The following CHD7 variants were observed in gnomAD, a reference collection of about 807,000 sequenced individuals.
CHD7 encodes the protein chromodomain helicase DNA binding protein 7.
CHD7 carries 24 observed loss-of-function variants against 307.3 expected under a neutral mutation model. That is an observed-to-expected ratio of 0.08 (90% CI 0.06 to 0.11). The LOEUF (loss-of-function observed/expected upper bound fraction) is 0.11. Ranked by LOEUF, CHD7 falls within the 10% of genes least tolerant of loss-of-function variation. The probability of loss-of-function intolerance (pLI) is 1.00; values close to 1 mark genes in which losing one functional copy is unlikely to be tolerated. For missense variants in CHD7, 3,106 were observed against 3,727.1 expected (o/e 0.83, Z 4.34); for synonymous variants, 1,363 against 1,349.9 (o/e 1.01, Z -0.21).
At chr8:60,739,593 G>T (rs1012417215) in intron 1 of CHD7, among the ~76,000 whole-genome samples, 2 of 152,224 alleles carry the variant, frequency 1.3e-5, no homozygotes, top group African/African-American at 4.8e-5. Context: ...GCGGCAGAGT[G>T]AAGAGACCTT....
chr8:60,841,769 C>G lies in CHD7; in HGVS notation c.4644+15C>G, dbSNP rs922774716. ...TAAATGGGAGGGTGAGTAAGAAGTC[C>G]CATTCGAACACCTATCTGATCTAAA... is the stretch of plus-strand genomic sequence containing the variant. On this transcript the variant is annotated intron_variant, in intron 20 of 37. Coordinates refer to ENST00000423902, the MANE Select transcript of CHD7 (RefSeq NM_017780.4). The G allele has an allele frequency of 6.2e-7, 1 of 1,602,676 alleles. No homozygotes were observed. The highest frequency in any genetic ancestry group is 1.3e-5 in the African/African-American group (1 of 74,766).
At chr8:60,826,227 C>T (rs920802173) in intron 13 of CHD7, among the ~76,000 whole-genome samples, 1 of 152,194 alleles carries the variant, frequency 6.6e-6, no homozygotes, top group African/African-American at 2.4e-5. Context: ...TGACCTTCCC[C>T]AAGGACTTAT....
In CHD7 at chr8:60,851,230, A is replaced by G. The variant is rs546883415; in HGVS notation, c.5608-32A>G. ...ACAAAGAAAAATGAGACCCCAAATT[A>G]AAGTAATTCTGTTTCTTGCTTTGCT... is the stretch of plus-strand genomic sequence containing the variant. On this transcript the variant is annotated intron_variant, in intron 27 of 37. Coordinates refer to ENST00000423902, the MANE Select transcript of CHD7 (RefSeq NM_017780.4). The G allele has an allele frequency of 1.1e-5, 17 of 1,543,156 alleles. No homozygotes were observed. The South Asian group carries it at 1.4e-4, about 13-fold the overall frequency.
chr8:60,770,130 C>T (rs897033491), intron 2 of CHD7, among the ~76,000 whole-genome samples: 2 of 152,210 alleles, frequency 1.3e-5, no homozygotes, highest in Non-Finnish European at 2.9e-5. Flanking sequence ...ATACACATTG[C>T]TTTCTCTGTT....
chr8:60,788,049 T>C (rs1417801702), intron 3 of CHD7, among the ~76,000 whole-genome samples: 1 of 151,986 alleles, frequency 6.6e-6, no homozygotes, highest in East Asian at 1.9e-4. Context: ...CTCAAACGCC[T>C]ATCCTCAAGT....
rs745900311 is a variant in CHD7 at position 60,742,677 on chromosome 8, G to A, written c.1245G>A (p.Pro415=). Residue 415 remains proline, a synonymous_variant, in exon 2 of 38, where the codon CCG becomes CCA. Coordinates refer to ENST00000423902, the MANE Select transcript of CHD7 (RefSeq NM_017780.4). ...GCACTCCTCCTCCACAAGTCAGGCC[G>A]GGAAGTGCTGGGATACCAATGGAAG... ...PAGTPPPQVR[P]GSAGIPMEVG... The A allele has an allele frequency of 1.1e-4, 180 of 1,610,682 alleles. No individual in the cohort carries two copies. The highest frequency in any genetic ancestry group is 2.5e-4 in the African/African-American group (19 of 74,866).
rs1451462954 is a variant in CHD7, at chr8:60,838,258, G to A, written c.4533+3G>A. ...GGAAAGGTTCCACATTTGCTAAGGTGTGAATCGATCTAAAGAGGCCAGGTT... is the reference window on the plus strand; with the variant it reads ...GGAAAGGTTCCACATTTGCTAAGGTATGAATCGATCTAAAGAGGCCAGGTT... On this transcript the variant is annotated splice_donor_region_variant and intron_variant, in intron 19 of 37. Coordinates refer to ENST00000423902, the MANE Select transcript of CHD7 (RefSeq NM_017780.4). 3 of 1,599,158 alleles carry A rather than the reference G, an allele frequency of 1.9e-6. No individual in the cohort carries two copies. The highest frequency in any genetic ancestry group is 1.7e-5 in the Admixed American group (1 of 57,688).
chr8:60,721,433 T>A (rs1328031667), intron 1 of CHD7, among the ~76,000 whole-genome samples: 1 of 152,180 alleles, frequency 6.6e-6, no homozygotes, highest in East Asian at 1.9e-4. Context: ...ACTTCCAGTC[T>A]CCAGAACTGT....
At position 60,865,665 on chromosome 8, in the gene CHD7, T is replaced by C; in HGVS notation, c.8726T>C (p.Leu2909Pro). The change falls in exon 38 of 38, where the codon CTA (leucine) becomes CCA (proline). Residue 2909 changes from leucine (L) to proline (P), a missense_variant. This residue lies in a region of CHD7 where 351 missense variants were observed against 366.2 expected (regional missense o/e 0.96). Transcript: ENST00000423902. The surrounding 1 kb of genome is among the most constrained non-coding windows in gnomAD (Gnocchi z 4.3). ...GGCCTCTTCTACCCATCCATGTTTCTACCTCCAGGACTGGGGGGATTGACG... is the reference window on the plus strand; with the variant it reads ...GGCCTCTTCTACCCATCCATGTTTCCACCTCCAGGACTGGGGGGATTGACG... ...APGLFYPSMF[L>P]PPGLGGLTLP... 1 of 1,608,332 alleles carries C rather than the reference T, an allele frequency of 6.2e-7. No individual in the cohort carries two copies.
chr8:60,784,906 C>G (rs1250186669), intron 3 of CHD7, among the ~76,000 whole-genome samples: 1 of 152,036 alleles, frequency 6.6e-6, no homozygotes, highest in Non-Finnish European at 1.5e-5. Context: ...TTCCCTTTCC[C>G]GTTTTATGTT....
At chr8:60,779,318 G>A (rs1328086639) in intron 2 of CHD7, among the ~76,000 whole-genome samples, 1 of 152,148 alleles carries the variant, frequency 6.6e-6, no homozygotes, top group African/African-American at 2.4e-5. Flanking sequence ...TTACACCAGT[G>A]CAATTGAGTG....
intron 1 of CHD7, among the ~76,000 whole-genome samples, chr8:60,719,777 C>T (rs1254343091): frequency 6.6e-6 from 1 of 152,216 alleles, no homozygotes; most frequent in East Asian, 1.9e-4. Flanking sequence ...ACCAACTTCT[C>T]ATCCCCACAG....
At chr8:60,816,580 T>A in intron 8 of CHD7, 79 bp downstream of exon 8, 1 of 804,636 alleles carries the variant, frequency 1.2e-6, no homozygotes, top group Non-Finnish European at 2.0e-6. Context: ...TTCCATGAAT[T>A]AAGAAAAACT....
chr8:60,683,026 T>C (rs1361911494), intron 1 of CHD7, among the ~76,000 whole-genome samples: 1 of 152,238 alleles, frequency 6.6e-6, no homozygotes, highest in Non-Finnish European at 1.5e-5. Flanking sequence ...AGCAATATAT[T>C]GGCTCTGTGG....
chr8:60,860,016 A>AT (rs1431575564), intron 34 of CHD7, among the ~76,000 whole-genome samples: 1 of 149,796 alleles, frequency 6.7e-6, no homozygotes, highest in Non-Finnish European at 1.5e-5. Flanking sequence ...CCTGGGTGGG[A>AT]AGTGACAAAA....
At chr8:60,807,662 A>G (rs1047036788) in intron 6 of CHD7, among the ~76,000 whole-genome samples, 2 of 152,258 alleles carry the variant, frequency 1.3e-5, no homozygotes, top group Admixed American at 6.5e-5. Flanking sequence ...GAGTGAAACT[A>G]AGACTATGAA....
At chr8:60,754,517 C>T (rs1466398123) in intron 2 of CHD7, among the ~76,000 whole-genome samples, 1 of 152,118 alleles carries the variant, frequency 6.6e-6, no homozygotes, top group Non-Finnish European at 1.5e-5. Flanking sequence ...AGTAGACTGA[C>T]TTTCCCTTAT....
chr8:60,832,923 T>C (rs1804585389), intron 15 of CHD7, among the ~76,000 whole-genome samples: 1 of 152,208 alleles, frequency 6.6e-6, no homozygotes, highest in Non-Finnish European at 1.5e-5. Flanking sequence ...TCAGCTTTTC[T>C]GTCCTGACAA....
rs747922099 is a variant in CHD7, at chr8:60,781,071, G to A, written c.1737G>A (p.Gln579=). 70 of 1,610,896 alleles carry A rather than the reference G, an allele frequency of 4.3e-5. No homozygotes were observed. In the Admixed American group the frequency reaches 6.7e-4, roughly 15 times the overall value. The change falls in exon 3 of 38, where the codon CAG becomes CAA. Residue 579 remains glutamine, a synonymous_variant. Transcript: ENST00000423902. The part of the protein sequence containing the change: ...DMTQVSGPNA[Q]LVKSDDYLPS... ...CTCAGGTTAGTGGACCGAATGCTCA[G>A]CTAGTGAAGAGTGATGATTACCTGC...
Sources: allele counts gnomAD v4.1 joint callset (sites outside exome capture counted in the v4.1 genomes callset), GRCh38; gene constraint gnomAD v4.1.1; regional missense constraint gnomAD v4.1.1; non-coding constraint Gnocchi (gnomAD v3.1); transcripts MANE v1.5; gene names NCBI Gene and HGNC (gene_info 2026-07-23, HGNC 2026-07-21).